Variants in EPHA6 observed in about 807,000 individuals in gnomAD.
The protein encoded by EPHA6 is ephrin type-A receptor 6.
Under a neutral mutation model 112.0 loss-of-function variants are expected in EPHA6, and 50 were observed. The observed-to-expected ratio is 0.45, with a 90% CI of 0.36 to 0.56. The LOEUF is 0.56. Ranked by LOEUF, EPHA6 falls within the 20% of genes least tolerant of loss-of-function variation. EPHA6 has a pLI of 0.00. For synonymous variants in EPHA6, 529 were observed against 490.7 expected, an observed-to-expected ratio of 1.08 and a Z score of -1.03; for missense variants, 1,280 against 1,417.4, an observed-to-expected ratio of 0.90 and a Z score of 1.56.
chr3:97,026,587 A>G (rs1335167761), intron 3 of EPHA6, among the ~76,000 whole-genome samples: 1 of 152,022 alleles, frequency 6.6e-6, no homozygotes, highest in African/African-American at 2.4e-5. Flanking sequence ...TAAAGAACTT[A>G]AAGAAATTTA....
chr3:97,634,464 A>AT (rs1468309081), intron 13 of EPHA6, among the ~76,000 whole-genome samples: 1 of 151,974 alleles, frequency 6.6e-6, no homozygotes, highest in Non-Finnish European at 1.5e-5. Context: ...TGATAGAGAG[A>AT]TAAAATAACA....
chr3:96,998,170 G>A (rs1242783677), intron 3 of EPHA6, among the ~76,000 whole-genome samples: 2 of 151,746 alleles, frequency 1.3e-5, no homozygotes, highest in Non-Finnish European at 2.9e-5. Context: ...ATTTCTATGG[G>A]AGCATAAATT....
intron 3 of EPHA6, among the ~76,000 whole-genome samples, chr3:97,221,696 C>T (rs550202521): frequency 5.9e-5 from 9 of 152,250 alleles, no homozygotes; most frequent in African/African-American, 2.2e-4. Flanking sequence ...TCGGTATTAG[C>T]ATTCACCATT....
chr3:97,700,390 G>A lies in EPHA6; in HGVS notation c.2785-19871G>A, dbSNP rs151142851. Among the ~76,000 whole-genome samples, 17 of 152,304 alleles carry A rather than the reference G, an allele frequency of 1.1e-4. No homozygotes were observed. The East Asian group carries it at 3.3e-3, about 29-fold the overall frequency. On this transcript the variant is annotated intron_variant, in intron 14 of 17. Transcript: ENST00000389672. ...CAGATACCACATTCTTCAGGGCTGT[G>A]TCACTGAAGTCCAGAAGTGGTAGAA...
chr3:97,543,184 A>C (rs777312667), intron 11 of EPHA6, among the ~76,000 whole-genome samples: 1 of 152,096 alleles, frequency 6.6e-6, no homozygotes, highest in Non-Finnish European at 1.5e-5. Flanking sequence ...CTATGTCCTG[A>C]ATGGTATTGC....
intron 7 of EPHA6, among the ~76,000 whole-genome samples, chr3:97,473,020 A>G (rs1005292295): frequency 1.3e-5 from 2 of 151,776 alleles, no homozygotes; most frequent in African/African-American, 4.8e-5. Context: ...GATAATTTTG[A>G]TAATGAATTG....
At chr3:97,590,862 A>C (rs1349413834) in intron 11 of EPHA6, among the ~76,000 whole-genome samples, 1 of 152,230 alleles carries the variant, frequency 6.6e-6, no homozygotes, top group Non-Finnish European at 1.5e-5. Flanking sequence ...CACCTTCATT[A>C]CAAGTGTTAT....
intron 10 of EPHA6, among the ~76,000 whole-genome samples, chr3:97,519,992 G>C (rs2092512483): frequency 6.9e-6 from 1 of 144,516 alleles, no homozygotes; most frequent in Admixed American, 7.0e-5. Context: ...TTTTGAGACA[G>C]AGTCTTGCTC....
At chr3:97,176,817 G>C (rs2076849176) in intron 3 of EPHA6, among the ~76,000 whole-genome samples, 1 of 150,548 alleles carries the variant, frequency 6.6e-6, no homozygotes, top group Admixed American at 6.6e-5. Flanking sequence ...TGTCAATTTT[G>C]TTTAACTTTT....
At position 97,251,094 on chromosome 3, in the gene EPHA6, C is replaced by T. The variant is rs187080135; in HGVS notation, c.1606+6807C>T. On this transcript the variant is annotated intron_variant, in intron 5 of 17. Coordinates refer to ENST00000389672, the MANE Select transcript of EPHA6 (RefSeq NM_001080448.3). ...TGTTGGCCAGGCTGATCTTGAACTC[C>T]CGACCTCATGTTCCACCCACCTTGG... Among the ~76,000 whole-genome samples, 948 of 152,032 alleles carry T rather than the reference C, an allele frequency of 6.2e-3. 10 individuals carry two copies. Among genetic ancestry groups the T allele is most frequent in the Middle Eastern group, 0.024 (7 of 294 alleles).
intron 10 of EPHA6, among the ~76,000 whole-genome samples, chr3:97,493,701 A>G (rs185443859): frequency 2.6e-5 from 4 of 152,212 alleles, no homozygotes; most frequent in Admixed American, 2.0e-4. Context: ...CTGTTATCCA[A>G]GTGTCTTCAT....
intron 15 of EPHA6, among the ~76,000 whole-genome samples, chr3:97,735,399 G>A (rs932354351): frequency 2.0e-5 from 3 of 151,982 alleles, no homozygotes; most frequent in Non-Finnish European, 4.4e-5. Context: ...CTAAGGGAAA[G>A]CTAAATGTAA....
At chr3:97,321,342 A>G (rs1279133065) in intron 5 of EPHA6, among the ~76,000 whole-genome samples, 1 of 151,980 alleles carries the variant, frequency 6.6e-6, no homozygotes, top group Non-Finnish European at 1.5e-5. Context: ...GAATACTTTT[A>G]ATTTGAGGTT....
intron 3 of EPHA6, among the ~76,000 whole-genome samples, chr3:97,053,725 ATGTAG>A (rs2045760451): frequency 6.6e-6 from 1 of 152,122 alleles, no homozygotes. Context: ...AAATCTGATA[ATGTAG>A]TTTAAGCAGA....
At chr3:97,342,727 C>G (rs998283073) in intron 5 of EPHA6, among the ~76,000 whole-genome samples, 10 of 152,176 alleles carry the variant, frequency 6.6e-5, no homozygotes, top group African/African-American at 2.4e-4. Flanking sequence ...CTCTCTGTGT[C>G]CCTTTGTCCT....
intron 14 of EPHA6, among the ~76,000 whole-genome samples, chr3:97,715,937 T>C (rs2034197156): frequency 6.6e-6 from 1 of 152,240 alleles, no homozygotes; most frequent in African/African-American, 2.4e-5. Flanking sequence ...TTTTCTTTTG[T>C]TCCCTAAGTT....
chr3:97,549,740 G>T (rs138826211), intron 11 of EPHA6, among the ~76,000 whole-genome samples: 54 of 152,210 alleles, frequency 3.5e-4, no homozygotes, highest in African/African-American at 1.3e-3. Flanking sequence ...AACTCAGGAG[G>T]CAGAGGTAGC....
intron 3 of EPHA6, among the ~76,000 whole-genome samples, chr3:97,174,219 C>T (rs940842442): frequency 1.3e-5 from 2 of 151,666 alleles, no homozygotes; most frequent in African/African-American, 4.8e-5. Context: ...TTATTGTGAA[C>T]CATTAGATCT....
intron 5 of EPHA6, among the ~76,000 whole-genome samples, chr3:97,255,499 G>C (rs979108399): frequency 6.6e-6 from 1 of 152,118 alleles, no homozygotes; most frequent in Non-Finnish European, 1.5e-5. Flanking sequence ...AAATAGGGAA[G>C]TGTTTATTCC....
Sources: gnomAD v4.1 joint callset for allele counts (sites outside exome capture counted in the v4.1 genomes callset) on GRCh38, gnomAD v4.1.1 for gene constraint, MANE v1.5 for transcripts, NCBI Gene and HGNC (gene_info 2026-07-23, HGNC 2026-07-21) for gene names.